Variants in NCKAP5 observed in about 807,000 individuals in gnomAD.
NCKAP5 encodes nck-associated protein 5.
In NCKAP5, 92 loss-of-function variants were observed where a neutral mutation model predicts 167.0. The observed-to-expected ratio is 0.55, with a 90% confidence interval of 0.47 to 0.66. The LOEUF (loss-of-function observed/expected upper bound fraction) is 0.66. NCKAP5 is among the 30% of genes least tolerant of loss of function. NCKAP5 has a pLI of 0.00. For missense variants in NCKAP5, 2,378 were observed against 2,315.0 expected (o/e 1.03, Z -0.56); for synonymous variants, 891 against 877.4 (o/e 1.02, Z -0.27).
intron 4 of NCKAP5, among the ~76,000 whole-genome samples, chr2:133,226,103 AAT>A (rs1036815279): frequency 4.2e-4 from 24 of 57,170 alleles, no homozygotes; most frequent in African/African-American, 1.5e-3. Context: ...TGCCACACTC[AAT>A]TTTTAAAAAA....
intron 11 of NCKAP5, among the ~76,000 whole-genome samples, chr2:132,838,993 G>A (rs1688099209): frequency 6.6e-6 from 1 of 152,126 alleles, no homozygotes; most frequent in Admixed American, 6.5e-5. Flanking sequence ...ATGTTTGTGG[G>A]CCATTTGGAT....
the NCKAP5 span, among the ~76,000 whole-genome samples, chr2:133,591,761 A>G: frequency 1.3e-5 from 2 of 152,248 alleles, no homozygotes; most frequent in African/African-American, 4.8e-5. Flanking sequence ...ATTGAAGCTC[A>G]GAAAATTTTC....
chr2:133,429,463 C>T (rs1227779123), intron 3 of NCKAP5, among the ~76,000 whole-genome samples: 1 of 152,022 alleles, frequency 6.6e-6, no homozygotes, highest in African/African-American at 2.4e-5. Flanking sequence ...TTCATCCCTC[C>T]ATTTTTAGTC....
intron 8 of NCKAP5, among the ~76,000 whole-genome samples, chr2:132,884,226 T>C (rs543166927): frequency 6.6e-6 from 1 of 152,372 alleles, no homozygotes; most frequent in East Asian, 1.9e-4. Flanking sequence ...CACAGCACGA[T>C]CCTTCTGTGC....
the NCKAP5 span, among the ~76,000 whole-genome samples, chr2:133,636,804 C>T: frequency 2.0e-5 from 3 of 152,234 alleles, no homozygotes; most frequent in South Asian, 4.1e-4. Flanking sequence ...GAAGCCTCCA[C>T]AAGGTGCAGA....
chr2:133,066,947 C>T (rs1167802454), intron 6 of NCKAP5, among the ~76,000 whole-genome samples: 1 of 152,332 alleles, frequency 6.6e-6, no homozygotes. Flanking sequence ...GCAGTTATAA[C>T]ATTCAAGTGG....
At chr2:133,027,901 T>C (rs1392497841) in intron 6 of NCKAP5, among the ~76,000 whole-genome samples, 2 of 152,186 alleles carry the variant, frequency 1.3e-5, no homozygotes, top group Admixed American at 6.5e-5. Flanking sequence ...TTAAATCTCA[T>C]AATAAAATTC....
the NCKAP5 span, among the ~76,000 whole-genome samples, chr2:133,588,143 G>A: frequency 6.6e-6 from 1 of 152,118 alleles, no homozygotes; most frequent in Non-Finnish European, 1.5e-5. Context: ...ATGTCACAAT[G>A]TTAAATGTAT....
chr2:133,081,570 A>T (rs1312561765), intron 6 of NCKAP5, among the ~76,000 whole-genome samples: 1 of 152,158 alleles, frequency 6.6e-6, no homozygotes, highest in Non-Finnish European at 1.5e-5. Context: ...AAAATTCAAA[A>T]TGTTTTTTAA....
At chr2:133,461,047 AATG>A (rs1692168116) in intron 3 of NCKAP5, among the ~76,000 whole-genome samples, 1 of 152,176 alleles carries the variant, frequency 6.6e-6, no homozygotes, top group African/African-American at 2.4e-5. Flanking sequence ...AGGAAATCTA[AATG>A]ATGTTCTTCC....
chr2:133,189,768 G>A (rs539094890), intron 5 of NCKAP5, among the ~76,000 whole-genome samples: 96 of 150,324 alleles, frequency 6.4e-4, no homozygotes, highest in Non-Finnish European at 8.5e-4. Flanking sequence ...TTGATGGGAC[G>A]TACCTCAAAA....
chr2:133,170,394 G>T (rs1403288348), intron 5 of NCKAP5, among the ~76,000 whole-genome samples: 2 of 152,144 alleles, frequency 1.3e-5, no homozygotes, highest in Non-Finnish European at 2.9e-5. Flanking sequence ...TTGTGCAGAT[G>T]CTGTGCAGAA....
chr2:133,355,095 C>T (rs982423236), intron 3 of NCKAP5, among the ~76,000 whole-genome samples: 3 of 152,150 alleles, frequency 2.0e-5, no homozygotes, highest in African/African-American at 7.2e-5. Context: ...TAAGAGAATA[C>T]AGATATTTTA....
intron 5 of NCKAP5, among the ~76,000 whole-genome samples, chr2:133,179,139 C>A (rs980453698): frequency 1.3e-5 from 2 of 151,930 alleles, no homozygotes; most frequent in East Asian, 1.9e-4. Context: ...TAAAACAAAA[C>A]CCCAAAAAAC....
intron 6 of NCKAP5, chr2:133,117,714 CAAT>C (rs2082126128): frequency 6.6e-6 from 1 of 152,170 alleles, no homozygotes. Context: ...ACTCTCTTGA[CAAT>C]AATGTGAATT....
At chr2:132,962,437 T>C (rs935950628) in intron 8 of NCKAP5, among the ~76,000 whole-genome samples, 6 of 151,920 alleles carry the variant, frequency 3.9e-5, no homozygotes, top group African/African-American at 9.7e-5. Flanking sequence ...ACCCCAAGAA[T>C]TGAGCTTCAA....
At chr2:133,087,376 A>G (rs918040105) in intron 6 of NCKAP5, among the ~76,000 whole-genome samples, 5 of 152,204 alleles carry the variant, frequency 3.3e-5, no homozygotes, top group African/African-American at 1.2e-4. Flanking sequence ...ATCAATCCTC[A>G]GGATTAAAGG....
chr2:133,531,899 G>A (rs906924924), intron 2 of NCKAP5, among the ~76,000 whole-genome samples: 2 of 152,132 alleles, frequency 1.3e-5, no homozygotes, highest in Non-Finnish European at 2.9e-5. Flanking sequence ...TCTCTTTTAA[G>A]TAATAAAAGC....
intron 8 of NCKAP5, among the ~76,000 whole-genome samples, chr2:132,901,212 G>C (rs1413437750): frequency 1.3e-5 from 2 of 152,166 alleles, no homozygotes; most frequent in Non-Finnish European, 2.9e-5. Context: ...AAACTTTGCA[G>C]AGCATATTCC....
Sources: gnomAD v4.1 joint callset for allele counts (sites outside exome capture counted in the v4.1 genomes callset) on GRCh38, gnomAD v4.1.1 for gene constraint, MANE v1.5 for transcripts, NCBI Gene and HGNC (gene_info 2026-07-23, HGNC 2026-07-21) for gene names.